Variants in RGL1 observed in about 807,000 individuals in gnomAD.
RGL1 encodes ral guanine nucleotide dissociation stimulator-like 1.
In RGL1, 24 loss-of-function variants were observed where a neutral mutation model predicts 95.2. The ratio of observed to expected loss-of-function variants is 0.25; its 90% confidence interval spans 0.18 to 0.35. The LOEUF (loss-of-function observed/expected upper bound fraction) is 0.35, where lower values mean the gene tolerates loss of function less well. Among genes scored for constraint, RGL1 ranks in the 10% least tolerant of loss-of-function variants. RGL1 has a pLI of 1.00. For missense variants in RGL1, 715 were observed against 936.3 expected (o/e 0.76, Z 3.08); for synonymous variants, 329 against 344.9 (o/e 0.95, Z 0.51).
chr1:183,840,155 C>G (rs111443166), intron 2 of RGL1, among the ~76,000 whole-genome samples: 1 of 152,174 alleles, frequency 6.6e-6, no homozygotes, highest in African/African-American at 2.4e-5. Context: ...GGGTGTGGGC[C>G]AGGACCCCTA....
intron 2 of RGL1, among the ~76,000 whole-genome samples, chr1:183,756,073 C>T (rs565781859): frequency 3.3e-4 from 50 of 151,964 alleles, no homozygotes; most frequent in Middle Eastern, 3.4e-3. Context: ...TTAGTAAAGA[C>T]GGGGTTTCAC....
At chr1:183,789,917 C>G (rs1369797147) in intron 2 of RGL1, among the ~76,000 whole-genome samples, 1 of 150,856 alleles carries the variant, frequency 6.6e-6, no homozygotes, top group Admixed American at 6.6e-5. Flanking sequence ...TAGTCAGAAG[C>G]AGGCTTTTAC....
chr1:183,817,255 A>G (rs1318432606), intron 2 of RGL1, among the ~76,000 whole-genome samples: 2 of 152,198 alleles, frequency 1.3e-5, no homozygotes, highest in Non-Finnish European at 2.9e-5. Context: ...AGACATTTAA[A>G]ATACTCCTTT....
chr1:183,817,317 C>T (rs1193569821), intron 2 of RGL1, among the ~76,000 whole-genome samples: 1 of 152,172 alleles, frequency 6.6e-6, no homozygotes, highest in Non-Finnish European at 1.5e-5. Context: ...CAGTCGTTTC[C>T]AGCAGTGTTC....
At chr1:183,742,657 T>C (rs1012480490) in intron 2 of RGL1, among the ~76,000 whole-genome samples, 2 of 152,162 alleles carry the variant, frequency 1.3e-5, no homozygotes, top group African/African-American at 4.8e-5. Flanking sequence ...CCTATTGTTG[T>C]TGAAGTTTCA....
At chr1:183,878,595 TGAAGGGA>T (rs1438023354) in intron 4 of RGL1, among the ~76,000 whole-genome samples, 3 of 152,168 alleles carry the variant, frequency 2.0e-5, no homozygotes, top group Non-Finnish European at 4.4e-5. Flanking sequence ...GGGATTAGGA[TGAAGGGA>T]GAGAGTAGGT....
intron 1 of RGL1, among the ~76,000 whole-genome samples, chr1:183,719,871 A>G (rs1016005024): frequency 7.9e-5 from 12 of 152,118 alleles, no homozygotes; most frequent in African/African-American, 2.9e-4. Context: ...GTGCCACTGC[A>G]CTCCAGCCTA....
At chr1:183,882,050 AG>A (rs1666852470) in intron 5 of RGL1, among the ~76,000 whole-genome samples, 1 of 152,262 alleles carries the variant, frequency 6.6e-6, no homozygotes, top group Admixed American at 6.5e-5. Flanking sequence ...AGGCTGAGGC[AG>A]GGGAGAGGGA....
intron 14 of RGL1, among the ~76,000 whole-genome samples, chr1:183,911,125 A>G (rs1192591007): frequency 6.6e-6 from 1 of 152,114 alleles, no homozygotes; most frequent in African/African-American, 2.4e-5. Flanking sequence ...CCCTCCCGCA[A>G]GATTTTCTTT....
At chr1:183,647,670 T>A in intron 1 of RGL1, 2 of 1,587,536 alleles carry the variant, frequency 1.3e-6, no homozygotes, top group Non-Finnish European at 1.7e-6. Context: ...GCTGTAGGAA[T>A]GTAGATTTTA....
Position 183,806,366 on chromosome 1 carries a change from C to T in RGL1, c.28-9C>T. On this transcript the variant is annotated splice_polypyrimidine_tract_variant and intron_variant, in intron 1 of 17. Coordinates refer to ENST00000360851, the MANE Select transcript of RGL1 (RefSeq NM_001297671.3). ...CTCTTTTTCTTTCTCTTTATCCCGT[C>T]CCTGGCAGAGCTCGATTCAGGACTG... 6.2e-7 allele frequency: 1 copy of T among 1,605,832 alleles called. No homozygotes were observed. The highest frequency in any genetic ancestry group is 1.1e-5 in the South Asian group (1 of 90,872).
chr1:183,788,253 G>T (rs1660275441), intron 2 of RGL1, among the ~76,000 whole-genome samples: 1 of 152,152 alleles, frequency 6.6e-6, no homozygotes, highest in African/African-American at 2.4e-5. Flanking sequence ...CAGTCTAAGG[G>T]CCTGTGAATC....
At chr1:183,727,779 G>A (rs1193741203) in intron 1 of RGL1, among the ~76,000 whole-genome samples, 1 of 152,086 alleles carries the variant, frequency 6.6e-6, no homozygotes, top group East Asian at 1.9e-4. Flanking sequence ...AAAATTAATT[G>A]CATTTCTATA....
chr1:183,772,368 G>T (rs1300382584), intron 2 of RGL1, among the ~76,000 whole-genome samples: 1 of 152,220 alleles, frequency 6.6e-6, no homozygotes, highest in Admixed American at 6.5e-5. Flanking sequence ...GGACACTGAA[G>T]AAGCGAGCCA....
intron 1 of RGL1, among the ~76,000 whole-genome samples, chr1:183,691,331 T>G (rs1320729374): frequency 6.6e-6 from 1 of 152,202 alleles, no homozygotes; most frequent in Non-Finnish European, 1.5e-5. Context: ...ATATCAGAGA[T>G]AGGAGTGATG....
At chr1:183,736,222 A>G (rs1252150218) in intron 1 of RGL1, among the ~76,000 whole-genome samples, 1 of 152,230 alleles carries the variant, frequency 6.6e-6, no homozygotes, top group Non-Finnish European at 1.5e-5. Context: ...ACGTGAGTGA[A>G]ACACCGAAAT....
rs766919564 is a variant in RGL1 at position 183,805,296 on chromosome 1, G to A, written c.-2G>A. 4 of 1,611,814 alleles carry A rather than the reference G, an allele frequency of 2.5e-6. No homozygotes were observed. Among genetic ancestry groups the A allele is most frequent in the African/African-American group, 2.7e-5 (2 of 74,948 alleles). On this transcript the variant is annotated 5_prime_UTR_variant, in exon 1 of 18. Transcript: ENST00000360851. ...GTTCGCGCACCGGAGAGAAAACTGA[G>A]AATGAAATTGCTTTGGCAAGCTAAA... is the stretch of plus-strand genomic sequence containing the variant.
At chr1:183,642,978 C>A (rs1650030673) in intron 1 of RGL1, among the ~76,000 whole-genome samples, 1 of 152,168 alleles carries the variant, frequency 6.6e-6, no homozygotes, top group Admixed American at 6.5e-5. Flanking sequence ...CCCTGGCAAC[C>A]ACCATTTTCT....
intron 2 of RGL1, among the ~76,000 whole-genome samples, chr1:183,792,827 C>T (rs1449649787): frequency 6.6e-6 from 1 of 152,120 alleles, no homozygotes. Flanking sequence ...AAAGACATTC[C>T]ATGCTCATGT....
Sources: gnomAD v4.1 joint callset for allele counts (sites outside exome capture counted in the v4.1 genomes callset) on GRCh38, gnomAD v4.1.1 for gene constraint, MANE v1.5 for transcripts, NCBI Gene and HGNC (gene_info 2026-07-23, HGNC 2026-07-21) for gene names.